Variants in TMEM45A observed in about 807,000 individuals in gnomAD.
The protein encoded by TMEM45A is transmembrane protein 45A.
A neutral mutation model predicts 32.0 loss-of-function variants in TMEM45A; 25 were observed. The observed-to-expected ratio is 0.78, with a 90% confidence interval of 0.57 to 1.09. The LOEUF (loss-of-function observed/expected upper bound fraction) is 1.09. TMEM45A is among the 50% of genes least tolerant of loss of function. The probability of loss-of-function intolerance (pLI) is 0.00; values close to 1 mark genes in which losing one functional copy is unlikely to be tolerated. For synonymous variants in TMEM45A, 122 were observed against 114.8 expected (o/e 1.06, Z -0.40); for missense variants, 302 against 325.0 (o/e 0.93, Z 0.54).
intron 5 of TMEM45A, chr3:100,573,923 C>T (rs1416791523): frequency 6.6e-6 from 1 of 152,194 alleles, no homozygotes; most frequent in Non-Finnish European, 1.5e-5. Flanking sequence ...GTATGTTGAA[C>T]CAGCCTTGCA....
At chr3:100,536,800 G>T (rs1030516414) in intron 1 of TMEM45A, among the ~76,000 whole-genome samples, 3 of 152,284 alleles carry the variant, frequency 2.0e-5, no homozygotes, top group Non-Finnish European at 2.9e-5. Flanking sequence ...ATAGATGGTT[G>T]GGCTGATAAT....
chr3:100,497,492 C>G (rs1236362519), intron 1 of TMEM45A, among the ~76,000 whole-genome samples: 1 of 152,144 alleles, frequency 6.6e-6, no homozygotes, highest in Non-Finnish European at 1.5e-5. Flanking sequence ...CCATCACCAC[C>G]ATCCATCTCC....
At chr3:100,515,727 T>G (rs1053005084) in intron 1 of TMEM45A, among the ~76,000 whole-genome samples, 3 of 151,682 alleles carry the variant, frequency 2.0e-5, no homozygotes, top group African/African-American at 7.3e-5. Context: ...TTATGTTAAG[T>G]GAAACAAGCC....
chr3:100,556,558 A>G (rs1197745208), intron 2 of TMEM45A, among the ~76,000 whole-genome samples: 1 of 152,216 alleles, frequency 6.6e-6, no homozygotes, highest in Non-Finnish European at 1.5e-5. Context: ...ATCTTTGACT[A>G]AAACTATTTA....
intron 4 of TMEM45A, among the ~76,000 whole-genome samples, chr3:100,568,527 G>A (rs1443331886): frequency 2.0e-5 from 3 of 152,166 alleles, no homozygotes; most frequent in Non-Finnish European, 2.9e-5. Context: ...GAGTGAAACT[G>A]CACAATGTAG....
intron 1 of TMEM45A, among the ~76,000 whole-genome samples, chr3:100,530,175 T>C (rs759614008): frequency 6.6e-6 from 1 of 152,192 alleles, no homozygotes; most frequent in Non-Finnish European, 1.5e-5. Context: ...CCCCAGATAA[T>C]ATTTGTATAA....
intron 5 of TMEM45A, among the ~76,000 whole-genome samples, chr3:100,570,189 C>T (rs1198965418): frequency 6.6e-6 from 1 of 152,232 alleles, no homozygotes; most frequent in African/African-American, 2.4e-5. Context: ...ATAGTGGCTA[C>T]TGTATTGGAC....
chr3:100,569,124 TC>T (rs1217032378), intron 5 of TMEM45A, among the ~76,000 whole-genome samples, 157 bp downstream of exon 5: 1 of 152,162 alleles, frequency 6.6e-6, no homozygotes, highest in Non-Finnish European at 1.5e-5. Context: ...ACACAAAAAT[TC>T]CCAGTAAAAA....
intron 1 of TMEM45A, among the ~76,000 whole-genome samples, chr3:100,513,654 G>A (rs1300610332): frequency 6.7e-6 from 1 of 150,174 alleles, no homozygotes; most frequent in Non-Finnish European, 1.5e-5. Flanking sequence ...GGAAATAAAG[G>A]GTATTCAATT....
chr3:100,515,265 T>C (rs1438654701), intron 1 of TMEM45A, among the ~76,000 whole-genome samples: 1 of 151,922 alleles, frequency 6.6e-6, no homozygotes, highest in East Asian at 1.9e-4. Flanking sequence ...TAAGAAAATG[T>C]GGCACATATA....
At chr3:100,521,469 T>C (rs537828808) in intron 1 of TMEM45A, among the ~76,000 whole-genome samples, 3 of 152,164 alleles carry the variant, frequency 2.0e-5, no homozygotes, top group South Asian at 4.1e-4. Flanking sequence ...GTCAGGCTGG[T>C]CTCGAGTTCC....
intron 1 of TMEM45A, among the ~76,000 whole-genome samples, chr3:100,551,101 C>T (rs963182274): frequency 2.6e-5 from 4 of 150,970 alleles, no homozygotes; most frequent in Admixed American, 2.6e-4. Flanking sequence ...GCAAGCTCCG[C>T]CTCCCGGGTT....
intron 5 of TMEM45A, chr3:100,574,723 C>A (rs1706646041): frequency 6.6e-6 from 1 of 152,234 alleles, no homozygotes; most frequent in Admixed American, 6.5e-5. Flanking sequence ...ATATTTCCCA[C>A]ACCTCTTGGC....
intron 5 of TMEM45A, chr3:100,573,051 T>A (rs1465759560): frequency 6.6e-6 from 1 of 151,096 alleles, no homozygotes; most frequent in African/African-American, 2.4e-5. Flanking sequence ...TCCAGCTTTG[T>A]TCTTTTGGCT....
chr3:100,521,402 C>A (rs567228761), intron 1 of TMEM45A, among the ~76,000 whole-genome samples: 208 of 152,048 alleles, frequency 1.4e-3, no homozygotes, highest in Non-Finnish European at 1.9e-3. Context: ...TACAGGCATG[C>A]ACCACCATGC....
intron 2 of TMEM45A, 97 bp from the exon 3 acceptor site, chr3:100,556,663 G>A (rs977035828): frequency 3.6e-6 from 4 of 1,124,814 alleles, no homozygotes; most frequent in Non-Finnish European, 5.1e-6. Context: ...GTCAAAAGAG[G>A]ACATTAGATT....
At chr3:100,511,821 A>G (rs1708168276) in intron 1 of TMEM45A, among the ~76,000 whole-genome samples, 1 of 152,122 alleles carries the variant, frequency 6.6e-6, no homozygotes, top group Admixed American at 6.5e-5. Context: ...AGGGGTTGCA[A>G]TTCTCCTCTC....
chr3:100,576,373 C>T (rs1163313127), intron 5 of TMEM45A, among the ~76,000 whole-genome samples: 1 of 152,126 alleles, frequency 6.6e-6, no homozygotes, highest in African/African-American at 2.4e-5. Flanking sequence ...TTGCTTGAAC[C>T]CGGGAAGCAG....
At chr3:100,493,799 T>G (rs1271934577) in intron 1 of TMEM45A, among the ~76,000 whole-genome samples, 1 of 152,178 alleles carries the variant, frequency 6.6e-6, no homozygotes, top group East Asian at 1.9e-4. Flanking sequence ...TGGCACGATC[T>G]CGGCTTACTG....
Sources: gnomAD v4.1 joint callset for allele counts (sites outside exome capture counted in the v4.1 genomes callset) on GRCh38, gnomAD v4.1.1 for gene constraint, MANE v1.5 for transcripts, NCBI Gene and HGNC (gene_info 2026-07-23, HGNC 2026-07-21) for gene names.